The following RNF150 variants were observed in gnomAD, a reference collection of about 807,000 sequenced individuals.
The protein encoded by RNF150 is ring finger protein 150.
Under a neutral mutation model 39.3 loss-of-function variants are expected in RNF150, and 24 were observed. The observed-to-expected ratio is 0.61, with a 90% confidence interval of 0.44 to 0.86. RNF150 has a LOEUF of 0.86. RNF150 is among the 40% of genes least tolerant of loss of function. The probability of loss-of-function intolerance (pLI) is 0.00; values close to 1 mark genes in which losing one functional copy is unlikely to be tolerated. For synonymous variants in RNF150, 255 were observed against 227.3 expected (o/e 1.12, Z -1.10); for missense variants, 502 against 587.8 (o/e 0.85, Z 1.51).
chr4:140,927,135 T>C (rs1421310065), intron 4 of RNF150, among the ~76,000 whole-genome samples: 5 of 152,048 alleles, frequency 3.3e-5, no homozygotes, highest in Non-Finnish European at 5.9e-5. Context: ...CAGAGAAGAG[T>C]TCAGGGAATT....
At position 141,171,184 on chromosome 4, in the gene RNF150, T is replaced by C. The variant is rs142999301; in HGVS notation, c.-6+41610A>G. Among the ~76,000 whole-genome samples the C allele has an allele frequency of 6.6e-5, 10 of 152,158 alleles. No individual in the cohort carries two copies. In the East Asian group the frequency reaches 1.7e-3, roughly 26 times the overall value. On this transcript the variant is annotated intron_variant, in intron 1 of 7. Coordinates refer to the RNF150 transcript ENST00000420921. ...TTGTAAAAGAAGGAGGCTTAGAAAATAAAGTTTACCTTTCCTCGCCAGCCC... is the reference window on the plus strand; with the variant it reads ...TTGTAAAAGAAGGAGGCTTAGAAAACAAAGTTTACCTTTCCTCGCCAGCCC...
chr4:141,172,103 G>A (rs1727738476), intron 1 of RNF150, among the ~76,000 whole-genome samples: 1 of 152,134 alleles, frequency 6.6e-6, no homozygotes, highest in Non-Finnish European at 1.5e-5. Context: ...CAGCAATAGG[G>A]TTTTATTTTT....
intron 1 of RNF150, among the ~76,000 whole-genome samples, chr4:140,990,481 G>A (rs1734156304): frequency 6.6e-6 from 1 of 151,954 alleles, no homozygotes; most frequent in South Asian, 2.1e-4. Context: ...TTTTCCTAAT[G>A]CTATCCCTCC....
intron 6 of RNF150, among the ~76,000 whole-genome samples, chr4:140,897,483 G>A (rs564572763): frequency 6.6e-6 from 1 of 152,150 alleles, no homozygotes; most frequent in Admixed American, 6.5e-5. Context: ...CCAGGTGGGT[G>A]TTCAGACCAT....
intron 4 of RNF150, among the ~76,000 whole-genome samples, chr4:140,930,123 T>A (rs1446104773): frequency 6.6e-6 from 1 of 152,128 alleles, no homozygotes; most frequent in Non-Finnish European, 1.5e-5. Flanking sequence ...ATCACACCAC[T>A]GCACTCCTGC....
At chr4:141,136,976 T>C (rs951573301), upstream of RNF150, among the ~76,000 whole-genome samples, 2 of 152,172 alleles carry the variant, frequency 1.3e-5, no homozygotes, top group South Asian at 4.1e-4. Context: ...CCAGGAAAAG[T>C]ACAAGTACAA....
intron 1 of RNF150, among the ~76,000 whole-genome samples, chr4:141,149,542 C>T (rs559319392): frequency 6.6e-6 from 1 of 152,276 alleles, no homozygotes; most frequent in Non-Finnish European, 1.5e-5. Context: ...CAGTTCCATC[C>T]AGGTTGATGC....
chr4:141,126,395 C>A (rs1485489278), intron 1 of RNF150, among the ~76,000 whole-genome samples: 1 of 152,172 alleles, frequency 6.6e-6, no homozygotes, highest in Non-Finnish European at 1.5e-5. Context: ...AGAAAGCTTA[C>A]CCTTTCAAGA....
chr4:140,936,694 A>G (rs1460097267), intron 4 of RNF150, among the ~76,000 whole-genome samples: 2 of 152,116 alleles, frequency 1.3e-5, no homozygotes, highest in East Asian at 3.8e-4. Flanking sequence ...GATTCACCAA[A>G]AACACTAAAA....
At chr4:140,960,289 G>C (rs2111403109) in intron 2 of RNF150, among the ~76,000 whole-genome samples, 1 of 152,198 alleles carries the variant, frequency 6.6e-6, no homozygotes, top group Middle Eastern at 3.4e-3. Context: ...TAATAATTAG[G>C]CTGTGTGATA....
At chr4:140,931,784 AAC>A (rs1031974524) in intron 4 of RNF150, among the ~76,000 whole-genome samples, 22 of 152,366 alleles carry the variant, frequency 1.4e-4, no homozygotes, top group South Asian at 6.2e-4. Context: ...AACACCCGAA[AAC>A]AGAGGATGCA....
At chr4:140,904,919 T>C (rs1432409548) in intron 6 of RNF150, among the ~76,000 whole-genome samples, 1 of 152,242 alleles carries the variant, frequency 6.6e-6, no homozygotes, top group Non-Finnish European at 1.5e-5. Context: ...TGTCATTTAA[T>C]TTTAAGAGAA....
intron 5 of RNF150, among the ~76,000 whole-genome samples, chr4:140,911,699 T>C (rs1730613272): frequency 6.6e-6 from 1 of 152,202 alleles, no homozygotes; most frequent in Non-Finnish European, 1.5e-5. Context: ...CTTCCTTACA[T>C]ATAGTATTAT....
intron 4 of RNF150, among the ~76,000 whole-genome samples, chr4:140,939,227 C>T (rs1731983255): frequency 6.6e-6 from 1 of 152,126 alleles, no homozygotes; most frequent in Admixed American, 6.6e-5. Context: ...ACCATTTATT[C>T]TGTTTTTTAT....
intron 1 of RNF150, among the ~76,000 whole-genome samples, chr4:141,050,134 T>C (rs1051651397): frequency 2.0e-5 from 3 of 152,096 alleles, no homozygotes; most frequent in Non-Finnish European, 4.4e-5. Context: ...TATATGTACA[T>C]ATATTACAAT....
intron 1 of RNF150, among the ~76,000 whole-genome samples, chr4:140,988,655 A>G (rs539639904): frequency 1.9e-4 from 26 of 139,992 alleles, no homozygotes; most frequent in Non-Finnish European, 3.2e-4. Context: ...CACCCCAAGT[A>G]TATACCCAAA....
At chr4:141,164,559 G>T (rs1174311768) in intron 1 of RNF150, among the ~76,000 whole-genome samples, 1 of 152,126 alleles carries the variant, frequency 6.6e-6, no homozygotes, top group Admixed American at 6.5e-5. Flanking sequence ...AGAGAGAAAG[G>T]CTGGGTTACC....
intron 5 of RNF150, among the ~76,000 whole-genome samples, chr4:140,916,349 C>T (rs1465070019): frequency 6.6e-6 from 1 of 152,124 alleles, no homozygotes; most frequent in Admixed American, 6.5e-5. Context: ...GAAGTCCTTA[C>T]AGGACCTGAT....
At chr4:141,112,915 GT>G (rs1366191592) in intron 1 of RNF150, among the ~76,000 whole-genome samples, 1 of 141,824 alleles carries the variant, frequency 7.1e-6, no homozygotes, top group Non-Finnish European at 1.5e-5. Context: ...TGGAGGCTTT[GT>G]TCGTTCGTTT....
Sources: gnomAD v4.1 joint callset for allele counts (sites outside exome capture counted in the v4.1 genomes callset) on GRCh38, gnomAD v4.1.1 for gene constraint, MANE v1.5 for transcripts, NCBI Gene and HGNC (gene_info 2026-07-23, HGNC 2026-07-21) for gene names.